Variants in ASIC2 observed in about 807,000 individuals in gnomAD.
ASIC2 encodes acid sensing ion channel subunit 2.
A neutral mutation model predicts 57.3 loss-of-function variants in ASIC2; 25 were observed. The ratio of observed to expected loss-of-function variants is 0.44; its 90% CI spans 0.32 to 0.61. The LOEUF (loss-of-function observed/expected upper bound fraction) is 0.61. Ranked by LOEUF, ASIC2 falls within the 20% of genes least tolerant of loss-of-function variation. ASIC2 has a pLI of 0.06. For synonymous variants in ASIC2, 319 were observed against 307.5 expected (o/e 1.04, Z -0.39); for missense variants, 641 against 738.1 (o/e 0.87, Z 1.52).
intron 1 of ASIC2, among the ~76,000 whole-genome samples, chr17:33,556,015 G>A (rs944240694): frequency 6.6e-6 from 1 of 152,160 alleles, no homozygotes; most frequent in Admixed American, 6.5e-5. Flanking sequence ...TCTTGGAAAA[G>A]ATACTTATTT....
intron 1 of ASIC2, among the ~76,000 whole-genome samples, chr17:33,238,493 C>G (rs917878618): frequency 1.3e-5 from 2 of 152,244 alleles, no homozygotes; most frequent in Non-Finnish European, 2.9e-5. Context: ...TGCCAGATGT[C>G]TCCCATTTCA....
intron 1 of ASIC2, among the ~76,000 whole-genome samples, chr17:34,097,063 G>T (rs1910574250): frequency 6.6e-6 from 1 of 151,918 alleles, no homozygotes; most frequent in Non-Finnish European, 1.5e-5. Flanking sequence ...TACTCTCTAA[G>T]CACACAGAGG....
At chr17:33,787,882 C>T (rs943478639) in intron 1 of ASIC2, among the ~76,000 whole-genome samples, 2 of 152,136 alleles carry the variant, frequency 1.3e-5, no homozygotes, top group Non-Finnish European at 2.9e-5. Flanking sequence ...GGACCAAACC[C>T]TTGATGCTAT....
At chr17:33,360,826 A>T (rs565915034) in intron 1 of ASIC2, among the ~76,000 whole-genome samples, 14 of 152,254 alleles carry the variant, frequency 9.2e-5, no homozygotes, top group African/African-American at 3.4e-4. Context: ...GGCCACATGG[A>T]GCCCTAACTA....
intron 1 of ASIC2, among the ~76,000 whole-genome samples, chr17:33,432,898 A>C (rs1011324092): frequency 1.3e-5 from 2 of 152,218 alleles, no homozygotes; most frequent in Admixed American, 1.3e-4. Flanking sequence ...GAAGTCAAAA[A>C]ATAACTGATG....
intron 1 of ASIC2, among the ~76,000 whole-genome samples, chr17:33,787,819 G>A (rs1419799298): frequency 1.3e-5 from 2 of 152,110 alleles, no homozygotes; most frequent in Non-Finnish European, 2.9e-5. Flanking sequence ...TTGGAGGTGG[G>A]GCCTGGTAGG....
intron 1 of ASIC2, among the ~76,000 whole-genome samples, chr17:33,462,704 A>G: frequency 6.6e-6 from 1 of 152,368 alleles, no homozygotes; most frequent in South Asian, 2.1e-4. Flanking sequence ...TTTGGTAAGT[A>G]TGATCTATAA....
intron 1 of ASIC2, among the ~76,000 whole-genome samples, chr17:33,617,515 G>A (rs2142019079): frequency 7.8e-6 from 1 of 128,552 alleles, no homozygotes; most frequent in Non-Finnish European, 1.8e-5. Context: ...GAGGGAGGGA[G>A]GAGGGGAGAA....
chr17:33,600,424 C>T (rs1905093597), intron 1 of ASIC2, among the ~76,000 whole-genome samples: 1 of 152,186 alleles, frequency 6.6e-6, no homozygotes, highest in African/African-American at 2.4e-5. Flanking sequence ...CTGTGGCATT[C>T]TGTTATAGCA....
chr17:33,607,374 G>A (rs979352862), intron 1 of ASIC2, among the ~76,000 whole-genome samples: 15 of 152,130 alleles, frequency 9.9e-5, no homozygotes, highest in African/African-American at 3.6e-4. Context: ...ACTAGGGCCA[G>A]GCTCTGGGCT....
At chr17:33,301,006 A>C (rs1398072611) in intron 1 of ASIC2, among the ~76,000 whole-genome samples, 1 of 100,958 alleles carries the variant, frequency 9.9e-6, no homozygotes. Context: ...CATTCTTTTT[A>C]TTCATTTATT....
chr17:33,205,293 C>T (rs968123486), intron 1 of ASIC2, among the ~76,000 whole-genome samples: 2 of 152,188 alleles, frequency 1.3e-5, no homozygotes, highest in East Asian at 3.8e-4. Flanking sequence ...CCAATAAGCC[C>T]CTGCCTTGTG....
intron 1 of ASIC2, among the ~76,000 whole-genome samples, chr17:33,974,554 T>C (rs1406015282): frequency 2.6e-5 from 4 of 152,076 alleles, no homozygotes; most frequent in East Asian, 1.9e-4. Context: ...CAGCTTCTCT[T>C]TTCCTAGACA....
intron 1 of ASIC2, among the ~76,000 whole-genome samples, chr17:33,961,371 T>G (rs1322084930): frequency 6.6e-6 from 1 of 151,948 alleles, no homozygotes; most frequent in Non-Finnish European, 1.5e-5. Context: ...CCTTAACAGG[T>G]GGATCCTGAA....
intron 1 of ASIC2, among the ~76,000 whole-genome samples, chr17:33,866,375 T>C (rs776054983): frequency 2.0e-5 from 3 of 152,174 alleles, no homozygotes; most frequent in Admixed American, 6.5e-5. Flanking sequence ...TTATATTCCA[T>C]TGTATGGATA....
At chr17:33,867,652 A>G (rs1378024350) in intron 1 of ASIC2, among the ~76,000 whole-genome samples, 1 of 152,226 alleles carries the variant, frequency 6.6e-6, no homozygotes, top group Non-Finnish European at 1.5e-5. Context: ...CTGAGGTTCT[A>G]CTGGGGAGAT....
intron 1 of ASIC2, among the ~76,000 whole-genome samples, chr17:33,850,440 G>C (rs317401): frequency 1.3e-5 from 2 of 151,888 alleles, no homozygotes; most frequent in Non-Finnish European, 2.9e-5. Context: ...AGTTCTTCTC[G>C]CATAAATTTC....
At chr17:33,117,765 A>G (rs1181877633) in intron 1 of ASIC2, among the ~76,000 whole-genome samples, 1 of 152,196 alleles carries the variant, frequency 6.6e-6, no homozygotes, top group East Asian at 1.9e-4. Flanking sequence ...GAGGTTACAT[A>G]ATGGACATCT....
At chr17:33,937,652 G>A (rs1426473219) in intron 1 of ASIC2, among the ~76,000 whole-genome samples, 3 of 152,046 alleles carry the variant, frequency 2.0e-5, no homozygotes, top group Non-Finnish European at 4.4e-5. Context: ...TCCTATGTTG[G>A]TATAAACATA....
Sources: gnomAD v4.1 joint callset for allele counts (sites outside exome capture counted in the v4.1 genomes callset) on GRCh38, gnomAD v4.1.1 for gene constraint, MANE v1.5 for transcripts, NCBI Gene and HGNC (gene_info 2026-07-23, HGNC 2026-07-21) for gene names.